The following SNX8 variants were observed in gnomAD, a reference collection of about 807,000 sequenced individuals.
The protein encoded by SNX8 is sorting nexin-8.
Under a neutral mutation model 51.6 loss-of-function variants are expected in SNX8, and 25 were observed. The observed-to-expected ratio is 0.48, with a 90% confidence interval of 0.35 to 0.68. The LOEUF (loss-of-function observed/expected upper bound fraction) is 0.68. SNX8 is among the 30% of genes least tolerant of loss of function. The pLI is 0.00. For missense variants in SNX8, 695 were observed against 624.0 expected, an observed-to-expected ratio of 1.11 and a Z score of -1.21; for synonymous variants, 324 against 277.0, an observed-to-expected ratio of 1.17 and a Z score of -1.68.
At chr7:2,318,847 A>C (rs1399570734), upstream of SNX8, among the ~76,000 whole-genome samples, 1 of 54,616 alleles carries the variant, frequency 1.8e-5, no homozygotes. Context: ...CCCCATCTCT[A>C]AAAAAAAAAA....
chr7:2,263,108 A>C, intron 7 of SNX8, 122 bp downstream of exon 7: 1 of 1,152,464 alleles, frequency 8.7e-7, no homozygotes, highest in Non-Finnish European at 1.2e-6. Context: ...ACAGAGGGAG[A>C]CTCCTTCTCA....
At chr7:2,318,860 A>C (rs77226792), upstream of SNX8, among the ~76,000 whole-genome samples, 1 of 150,882 alleles carries the variant, frequency 6.6e-6, no homozygotes, top group African/African-American at 2.4e-5. Context: ...AAAAAAAAAA[A>C]AGCCAGGCAC....
chr7:2,339,682 T>C (rs1343402907), intron 1 of SNX8, among the ~76,000 whole-genome samples: 4 of 152,010 alleles, frequency 2.6e-5, no homozygotes, highest in African/African-American at 4.8e-5. Context: ...TGAAAGAGTA[T>C]AGAATCAAGA....
chr7:2,326,315 T>C (rs972455169), intron 1 of SNX8, among the ~76,000 whole-genome samples: 1 of 149,728 alleles, frequency 6.7e-6, no homozygotes, highest in Non-Finnish European at 1.5e-5. Flanking sequence ...CAGTGAGCTG[T>C]GATCATGCCA....
rs1778785911 is a variant in SNX8 at position 2,334,223 on chromosome 7, G to A, written c.-66+19999C>T. ...TCGAGACCATCTTGGCTAACACGGT[G>A]AAACCCCGTCTCTACTAAAAATACA... On this transcript the variant is annotated intron_variant, in intron 1 of 5. Coordinates refer to the SNX8 transcript ENST00000435336. Among the ~76,000 whole-genome samples, 4 of 152,080 alleles carry A rather than the reference G, an allele frequency of 2.6e-5. No homozygotes were observed. In the South Asian group the frequency reaches 8.3e-4, roughly 31 times the overall value.
intron 1 of SNX8, among the ~76,000 whole-genome samples, chr7:2,296,943 A>T (rs1796286068): frequency 6.6e-6 from 1 of 151,920 alleles, no homozygotes; most frequent in African/African-American, 2.4e-5. Flanking sequence ...AAAAGAAAAA[A>T]ATATATACAA....
chr7:2,323,544 C>A (rs144263075), intron 1 of SNX8, among the ~76,000 whole-genome samples: 7 of 152,152 alleles, frequency 4.6e-5, no homozygotes, highest in African/African-American at 1.7e-4. Flanking sequence ...CACAGAGCGG[C>A]CACCATCCTG....
upstream of SNX8, among the ~76,000 whole-genome samples, chr7:2,317,567 G>A (rs981938865): frequency 2.6e-5 from 4 of 151,938 alleles, no homozygotes; most frequent in South Asian, 2.1e-4. Flanking sequence ...GTGAGCCACC[G>A]TGCCCGGCCA....
At chr7:2,294,242 G>A (rs554242146) in intron 1 of SNX8, among the ~76,000 whole-genome samples, 10 of 151,296 alleles carry the variant, frequency 6.6e-5, no homozygotes, top group Non-Finnish European at 8.8e-5. Flanking sequence ...CAGCCCAGGC[G>A]ACAAGTGCAA....
intron 1 of SNX8, among the ~76,000 whole-genome samples, chr7:2,329,456 G>A (rs978547161): frequency 1.7e-4 from 26 of 152,158 alleles, no homozygotes; most frequent in African/African-American, 5.3e-4. Flanking sequence ...TTTTTCGTGC[G>A]GGGGCTCTTG....
chr7:2,263,928 C>A (rs528986945), intron 6 of SNX8, among the ~76,000 whole-genome samples: 89 of 152,190 alleles, frequency 5.8e-4, no homozygotes, highest in Admixed American at 1.4e-3. Flanking sequence ...CTTGGCCAGG[C>A]TGATCTTGAA....
intron 1 of SNX8, among the ~76,000 whole-genome samples, chr7:2,319,769 T>C (rs1354733780): frequency 7.4e-6 from 1 of 134,660 alleles, no homozygotes; most frequent in Non-Finnish European, 1.5e-5. Flanking sequence ...GAGCTGAGAC[T>C]GCACCACTGC....
chr7:2,332,919 A>G (rs1778765092), intron 1 of SNX8, among the ~76,000 whole-genome samples: 1 of 151,252 alleles, frequency 6.6e-6, no homozygotes, highest in Non-Finnish European at 1.5e-5. Flanking sequence ...AGGGAAAGAA[A>G]GGAGAGAGAG....
At chr7:2,256,651 C>T (rs996577866) in intron 10 of SNX8, among the ~76,000 whole-genome samples, 5 of 152,226 alleles carry the variant, frequency 3.3e-5, no homozygotes, top group Non-Finnish European at 7.3e-5. Context: ...GCTCCTCCCT[C>T]CGCCCCCCAG....
chr7:2,263,094 G>A, intron 7 of SNX8, 136 bp downstream of exon 7: 2 of 1,082,034 alleles, frequency 1.8e-6, no homozygotes, highest in Non-Finnish European at 2.7e-6. Flanking sequence ...GCTCCAGCCT[G>A]GCAACAGAGG....
chr7:2,298,072 T>C lies in SNX8; in HGVS notation c.94+16256A>G, dbSNP rs543331646. ...AGAAACACTAAAAAAACACAAAAAA[T>C]GTTAAAGCACCTAGCATGGTGCCCA... On this transcript the variant is annotated intron_variant, in intron 1 of 10. Transcript: ENST00000222990. 1.5e-3 allele frequency among the ~76,000 whole-genome samples: 221 copies of C among 152,086 alleles called. 3 individuals are homozygous for C. Among genetic ancestry groups the C allele is most frequent in the African/African-American group, 5.1e-3 (212 of 41,410 alleles).
intron 1 of SNX8, among the ~76,000 whole-genome samples, chr7:2,306,744 T>C (rs1796552825): frequency 6.6e-6 from 1 of 152,320 alleles, no homozygotes; most frequent in Non-Finnish European, 1.5e-5. Context: ...GTGATTTGTC[T>C]ATGAAATTTT....
At chr7:2,263,814 A>G (rs1020337754) in intron 6 of SNX8, among the ~76,000 whole-genome samples, 7 of 152,048 alleles carry the variant, frequency 4.6e-5, no homozygotes, top group African/African-American at 1.7e-4. Flanking sequence ...CCTAGGTTCA[A>G]GCAATTCTCT....
chr7:2,347,307 C>A (rs974611279), intron 1 of SNX8, among the ~76,000 whole-genome samples: 1 of 151,900 alleles, frequency 6.6e-6, no homozygotes, highest in South Asian at 2.1e-4. Flanking sequence ...CACGGCGAAA[C>A]CTGTTTCTAA....
Sources: gnomAD v4.1 joint callset for allele counts (sites outside exome capture counted in the v4.1 genomes callset) on GRCh38, gnomAD v4.1.1 for gene constraint, MANE v1.5 for transcripts, NCBI Gene and HGNC (gene_info 2026-07-23, HGNC 2026-07-21) for gene names.